Variants in RAP1B observed in about 807,000 individuals in gnomAD.
RAP1B encodes the protein RAP1B, member of RAS oncogene family.
In RAP1B, 1 loss-of-function variant was observed where a neutral mutation model predicts 27.5. The ratio of observed to expected loss-of-function variants is 0.04; its 90% CI spans 0.01 to 0.17. RAP1B has a LOEUF of 0.17. Among genes scored for constraint, RAP1B ranks in the 10% least tolerant of loss-of-function variants. The pLI, the probability that RAP1B is intolerant of heterozygous loss-of-function variation, is 1.00. For synonymous variants in RAP1B, 75 were observed against 73.1 expected (o/e 1.03, Z -0.13); for missense variants, 84 against 214.8 (o/e 0.39, Z 3.81).
At chr12:68,633,303 C>G (rs1226872061) in intron 1 of RAP1B, among the ~76,000 whole-genome samples, 1 of 152,144 alleles carries the variant, frequency 6.6e-6, no homozygotes, top group Non-Finnish European at 1.5e-5. Context: ...GTGAACTCCC[C>G]TATTCCCTAA....
At chr12:68,627,331 G>A (rs1871872729) in intron 1 of RAP1B, 5 of 751,848 alleles carry the variant, frequency 6.7e-6, no homozygotes, top group Non-Finnish European at 1.2e-5. Context: ...TGCACACTGG[G>A]CCCCCCCATG....
Position 68,660,830 on chromosome 12 carries a change from G to T in RAP1B, c.*1581G>T, listed in dbSNP as rs1002290321. On this transcript the variant is annotated 3_prime_UTR_variant, in exon 8 of 8. Coordinates refer to ENST00000250559, the MANE Select transcript of RAP1B (RefSeq NM_001010942.3). ...TAGCTATTTGATGAGGTAGGTAAAAGAGGAACGATTTAACATACTTTCATG... is the reference window on the plus strand; with the variant it reads ...TAGCTATTTGATGAGGTAGGTAAAATAGGAACGATTTAACATACTTTCATG... 4 of 152,178 alleles carry T rather than the reference G, an allele frequency of 2.6e-5. No homozygotes were observed. The highest frequency in any genetic ancestry group is 1.3e-4 in the Admixed American group (2 of 15,276). The allele number at this position is 152,178 out of a possible 1,614,324, so 9.4% of individuals were successfully genotyped here. A position where few individuals can be genotyped will look rare whatever the true frequency, so the allele number is the denominator to read the frequency against.
In RAP1B at chr12:68,664,351, C is replaced by CA. The variant is rs1278097912; in HGVS notation, c.*5105dup. On this transcript the variant is annotated 3_prime_UTR_variant, in exon 8 of 8. Transcript: ENST00000250559. ...CAGAACAGGAAATTCTATTAACTGT[C>CA]AAACTCTTTAATGTGCAGTGCAGTA... 6.6e-6 allele frequency: 1 copy of CA among 152,166 alleles called. No individual in the cohort carries two copies. Among genetic ancestry groups the CA allele is most frequent in the Non-Finnish European group, 1.5e-5 (1 of 68,034 alleles). 9.4% of individuals were successfully genotyped at this position (152,166 alleles called of 1,614,324 possible).
At chr12:68,616,401 A>G (rs1208771094) in intron 1 of RAP1B, among the ~76,000 whole-genome samples, 1 of 147,254 alleles carries the variant, frequency 6.8e-6, no homozygotes, top group Admixed American at 6.8e-5. Flanking sequence ...CCTCCAGTCT[A>G]AGCCTCCCGA....
intron 7 of RAP1B, 116 bp downstream of exon 7, chr12:68,657,333 T>TTTA: frequency 1.6e-6 from 1 of 634,704 alleles, no homozygotes; most frequent in South Asian, 2.2e-5. Context: ...ATGGTTTATT[T>TTTA]TTATAAGATA....
intron 1 of RAP1B, among the ~76,000 whole-genome samples, chr12:68,636,316 A>G (rs1872628417): frequency 6.6e-6 from 1 of 152,232 alleles, no homozygotes; most frequent in African/African-American, 2.4e-5. Flanking sequence ...CAGGTTACAA[A>G]GTTATGAGCA....
rs1280778124 is a variant in RAP1B, at chr12:68,669,418, G to A, written c.*10169G>A. 1 of 152,146 alleles carries A rather than the reference G, an allele frequency of 6.6e-6. No individual in the cohort carries two copies. Among genetic ancestry groups the A allele is most frequent in the African/African-American group, 2.4e-5 (1 of 41,418 alleles). The allele number at this position is 152,146 out of a possible 1,614,324, so 9.4% of individuals were successfully genotyped here. ...GACTGGATGTTGGTCTTGAACTCCT[G>A]GGCTCAAGCAAGTGTCACACCTTGG... On this transcript the variant is annotated 3_prime_UTR_variant, in exon 8 of 8. Coordinates refer to ENST00000250559, the MANE Select transcript of RAP1B (RefSeq NM_001010942.3).
chr12:68,666,657 GAC>G lies in RAP1B; in HGVS notation c.*7411_*7412del, dbSNP rs2135981796. 1 of 152,302 alleles carries G rather than the reference GAC, an allele frequency of 6.6e-6. No homozygotes were observed. Among genetic ancestry groups the G allele is most frequent in the South Asian group, 2.1e-4 (1 of 4,826 alleles). The allele number at this position is 152,302 out of a possible 1,614,324, so 9.4% of individuals were successfully genotyped here. A position where few individuals can be genotyped will look rare whatever the true frequency, so the allele number is the denominator to read the frequency against. ...CAAAATGCTTAATCACATCTGCAAA[GAC>G]ACTTTTTTCAAATAAAGTTAACAGA... On this transcript the variant is annotated 3_prime_UTR_variant, in exon 8 of 8. Transcript: ENST00000250559.
chr12:68,642,685 C>T lies in RAP1B; in HGVS notation c.-26-6014C>T, dbSNP rs1488586267. On this transcript the variant is annotated intron_variant, in intron 1 of 7. Coordinates refer to ENST00000250559, the MANE Select transcript of RAP1B (RefSeq NM_001010942.3). ...CTACAATCCTGGCCTTTGAGAGAGACACCCACTCAGCACAAGATTTCACAT... is the reference window on the plus strand; with the variant it reads ...CTACAATCCTGGCCTTTGAGAGAGATACCCACTCAGCACAAGATTTCACAT... 6.2e-6 allele frequency: 7 copies of T among 1,137,644 alleles called. No homozygotes were observed. In the African/African-American group the frequency reaches 7.6e-5, roughly 12 times the overall value. 70.5% of individuals were successfully genotyped at this position (1,137,644 alleles called of 1,614,324 possible).
intron 1 of RAP1B, among the ~76,000 whole-genome samples, chr12:68,620,028 C>G (rs1276943509): frequency 1.3e-5 from 2 of 152,002 alleles, no homozygotes; most frequent in Admixed American, 6.6e-5. Flanking sequence ...TATTTGATAA[C>G]TTTTCCATAG....
intron 1 of RAP1B, among the ~76,000 whole-genome samples, chr12:68,633,258 C>T (rs1469567291): frequency 6.6e-6 from 1 of 152,084 alleles, no homozygotes; most frequent in Non-Finnish European, 1.5e-5. Context: ...TTCAATCATA[C>T]TCATCCCGTT....
rs567782706 is a variant in RAP1B, at chr12:68,664,875, T to C, written c.*5626T>C. 10 of 152,362 alleles carry C rather than the reference T, an allele frequency of 6.6e-5. No homozygotes were observed. In the East Asian group the frequency reaches 9.6e-4, roughly 15 times the overall value. 9.4% of individuals were successfully genotyped at this position (152,362 alleles called of 1,614,324 possible). A position where few individuals can be genotyped will look rare whatever the true frequency, so the allele number is the denominator to read the frequency against. On this transcript the variant is annotated 3_prime_UTR_variant, in exon 8 of 8. Transcript: ENST00000250559. The stretch of plus-strand genomic sequence containing the variant: ...AAGTGACTCATAATAAAAATTGTTA[T>C]TTTGTAAAATATATGGACTGTTTGC...
intron 1 of RAP1B, chr12:68,624,953 T>A (rs1222363508): frequency 6.6e-6 from 1 of 152,290 alleles, no homozygotes; most frequent in Non-Finnish European, 1.5e-5. Flanking sequence ...GTTCTTCAGA[T>A]GCTCTGGTTA....
chr12:68,628,039 A>C (rs1348856838), intron 1 of RAP1B, among the ~76,000 whole-genome samples: 5 of 152,028 alleles, frequency 3.3e-5, no homozygotes, highest in Non-Finnish European at 5.9e-5. Context: ...CCAGGAGTTG[A>C]GGCTGTAGTG....
chr12:68,649,692 T>TA (rs1873673208), intron 2 of RAP1B: 1 of 152,216 alleles, frequency 6.6e-6, no homozygotes, highest in African/African-American at 2.4e-5. Context: ...GAGAAGTACA[T>TA]ACAATGTGAA....
intron 1 of RAP1B, among the ~76,000 whole-genome samples, chr12:68,625,191 A>C (rs1409443388): frequency 6.6e-6 from 1 of 152,236 alleles, no homozygotes; most frequent in Non-Finnish European, 1.5e-5. Flanking sequence ...TCATATGTGA[A>C]AGCCCAATGT....
At chr12:68,646,297 G>T (rs1389078741) in intron 1 of RAP1B, among the ~76,000 whole-genome samples, 1 of 151,722 alleles carries the variant, frequency 6.6e-6, no homozygotes, top group Non-Finnish European at 1.5e-5. Flanking sequence ...ACCAGTTTTT[G>T]GTGTGTTTTT....
chr12:68,650,347 T>C, intron 2 of RAP1B, 53 bp from the exon 3 acceptor site: 2 of 1,429,472 alleles, frequency 1.4e-6, no homozygotes, highest in African/African-American at 1.5e-5. Context: ...ACATTAAAGA[T>C]TGAATGTACT....
intron 1 of RAP1B, among the ~76,000 whole-genome samples, chr12:68,623,272 G>T (rs934605427): frequency 6.6e-5 from 10 of 152,218 alleles, no homozygotes; most frequent in East Asian, 1.9e-4. Context: ...AAAGGAAGAA[G>T]TGAAACCCTT....
Sources: gnomAD v4.1 joint callset for allele counts (sites outside exome capture counted in the v4.1 genomes callset) on GRCh38, gnomAD v4.1.1 for gene constraint, MANE v1.5 for transcripts, NCBI Gene and HGNC (gene_info 2026-07-23, HGNC 2026-07-21) for gene names.